DPY19L2: variants seen among roughly 807,000 people sequenced by gnomAD.
DPY19L2 encodes the protein dpy-19 like 2, also known as probable C-mannosyltransferase DPY19L2.
A neutral mutation model predicts 97.9 loss-of-function variants in DPY19L2; 34 were observed. The observed-to-expected ratio is 0.35, with a 90% CI of 0.26 to 0.46. The LOEUF is 0.46. Ranked by LOEUF, DPY19L2 falls within the 20% of genes least tolerant of loss-of-function variation. DPY19L2 has a pLI of 1.00. For missense variants in DPY19L2, 623 were observed against 911.4 expected (o/e 0.68, Z 4.07); for synonymous variants, 230 against 307.9 (o/e 0.75, Z 2.65).
At chr12:63,626,984 G>A (rs1889665041) in intron 6 of DPY19L2, among the ~76,000 whole-genome samples, 1 of 152,000 alleles carries the variant, frequency 6.6e-6, no homozygotes, top group Admixed American at 6.6e-5. Context: ...TTACCATGTT[G>A]GCTAAGCTAG....
At chr12:63,583,633 T>G (rs1269824153) in intron 17 of DPY19L2, among the ~76,000 whole-genome samples, 179 bp downstream of exon 17, 1 of 152,224 alleles carries the variant, frequency 6.6e-6, no homozygotes, top group Non-Finnish European at 1.5e-5. Context: ...TTTTAAATCC[T>G]TATTACTATT....
In DPY19L2 at chr12:63,580,663, T is replaced by G. The variant is rs1341629978; in HGVS notation, c.1899A>C (p.Ser633=). 29 of 1,608,814 alleles carry G rather than the reference T, an allele frequency of 1.8e-5. No homozygotes were observed. The highest frequency in any genetic ancestry group is 1.8e-5 in the Non-Finnish European group (21 of 1,178,050). ...LLQWIKYSTT[S]DAVFAGAMPT... ...GCATATAACCAAATACCTACACACC[T>G]GATGTGGTACTGTATTTGATCCACT... The change falls in exon 19 of 22, where the codon TCA becomes TCC. Residue 633 remains serine, a splice_region_variant and synonymous_variant. Transcript: ENST00000324472.
intron 8 of DPY19L2, among the ~76,000 whole-genome samples, chr12:63,622,745 G>GT (rs1442340962): frequency 1.3e-5 from 2 of 152,034 alleles, no homozygotes; most frequent in Non-Finnish European, 2.9e-5. Flanking sequence ...GGCCAACATG[G>GT]TAAAACCCTG....
intron 2 of DPY19L2, among the ~76,000 whole-genome samples, chr12:63,664,639 C>T (rs140244754): frequency 0.1 from 15,420 of 152,048 alleles, 1,029 homozygotes; most frequent in East Asian, 0.28. Flanking sequence ...ACTTGAAGAC[C>T]TTTTAGTAGT....
intron 12 of DPY19L2, among the ~76,000 whole-genome samples, chr12:63,608,124 C>CAA (rs1486271251): frequency 1.3e-5 from 2 of 151,954 alleles, no homozygotes; most frequent in Admixed American, 6.6e-5. Flanking sequence ...TGGCTGAGTT[C>CAA]AAATTAGAAG....
At chr12:63,570,001 G>A (rs762466428) in intron 20 of DPY19L2, among the ~76,000 whole-genome samples, 14 of 152,120 alleles carry the variant, frequency 9.2e-5, no homozygotes, top group Non-Finnish European at 1.3e-4. Flanking sequence ...CCAGTTCACC[G>A]CAGTAGAACA....
intron 16 of DPY19L2, among the ~76,000 whole-genome samples, chr12:63,589,191 G>T (rs1323637142): frequency 1.3e-5 from 2 of 151,660 alleles, no homozygotes; most frequent in Non-Finnish European, 1.5e-5. Context: ...ATTCAAAATT[G>T]TTCTGGAAGT....
At chr12:63,618,527 G>T (rs1291241678) in intron 9 of DPY19L2, among the ~76,000 whole-genome samples, 1 of 152,234 alleles carries the variant, frequency 6.6e-6, no homozygotes, top group Admixed American at 6.5e-5. Context: ...TTCTCCCAGA[G>T]GTATCTGCCA....
chr12:63,571,058 C>A (rs1878751803), intron 19 of DPY19L2, among the ~76,000 whole-genome samples: 1 of 151,926 alleles, frequency 6.6e-6, no homozygotes, highest in Admixed American at 6.6e-5. Context: ...TATCTTGGGG[C>A]TAGAAATTGT....
chr12:63,599,159 G>A (rs1235290974), intron 13 of DPY19L2, among the ~76,000 whole-genome samples: 2 of 146,140 alleles, frequency 1.4e-5, no homozygotes, highest in African/African-American at 2.6e-5. Context: ...GTGACAGCAT[G>A]AGACTGTGTT....
intron 11 of DPY19L2, among the ~76,000 whole-genome samples, chr12:63,610,747 T>C (rs188374346): frequency 8.8e-5 from 13 of 148,384 alleles, no homozygotes; most frequent in African/African-American, 3.0e-4. Flanking sequence ...AGAACACTTC[T>C]ATACACATTT....
chr12:63,640,955 C>G (rs1892603385), intron 6 of DPY19L2, among the ~76,000 whole-genome samples: 1 of 152,112 alleles, frequency 6.6e-6, no homozygotes, highest in Non-Finnish European at 1.5e-5. Flanking sequence ...TGCAGTGGCG[C>G]AATGTCGGCT....
intron 19 of DPY19L2, among the ~76,000 whole-genome samples, chr12:63,577,132 A>T (rs555607607): frequency 5.3e-5 from 8 of 152,174 alleles, no homozygotes; most frequent in African/African-American, 1.9e-4. Context: ...AGAAATCCAT[A>T]CATCTACAGT....
chr12:63,588,943 C>T (rs1383219615), intron 16 of DPY19L2, among the ~76,000 whole-genome samples: 10 of 151,666 alleles, frequency 6.6e-5, no homozygotes, highest in Admixed American at 2.0e-4. Flanking sequence ...TTAGTAGAGA[C>T]GGGGTTTCAC....
chr12:63,592,015 G>C (rs1592473497), intron 16 of DPY19L2, among the ~76,000 whole-genome samples: 1 of 11,728 alleles, frequency 8.5e-5, no homozygotes, highest in Non-Finnish European at 1.8e-4. Context: ...GGAGGGGAGG[G>C]GAGGGGAGGG....
intron 21 of DPY19L2, among the ~76,000 whole-genome samples, chr12:63,565,276 T>G (rs529888269): frequency 6.6e-6 from 1 of 152,276 alleles, no homozygotes; most frequent in East Asian, 1.9e-4. Context: ...ATATTTATTC[T>G]CTTTCAAAGT....
Position 63,598,010 on chromosome 12 carries a change from C to A in DPY19L2, c.1360-100G>T, listed in dbSNP as rs1884532677. 1.3e-5 allele frequency: 11 copies of A among 879,756 alleles called. No homozygotes were observed. In the South Asian group the frequency reaches 2.9e-4, roughly 23 times the overall value. 54.5% of individuals were successfully genotyped at this position (879,756 alleles called of 1,614,324 possible). A position where few individuals can be genotyped will look rare whatever the true frequency, so the allele number is the denominator to read the frequency against. ...TGTAAGAATAACAAAGTTTATAGAG[C>A]AGATAAATCCAATATATTTAGACAT... On this transcript the variant is annotated intron_variant, in intron 13 of 21. Transcript: ENST00000324472.
intron 6 of DPY19L2, among the ~76,000 whole-genome samples, chr12:63,640,836 AAAGAT>A (rs1279829761): frequency 6.6e-6 from 1 of 152,194 alleles, no homozygotes; most frequent in Non-Finnish European, 1.5e-5. Flanking sequence ...AAAAAACAAA[AAAGAT>A]AAGAAATACA....
chr12:63,653,174 AC>A (rs1164585559), intron 4 of DPY19L2, among the ~76,000 whole-genome samples: 1 of 152,124 alleles, frequency 6.6e-6, no homozygotes, highest in Non-Finnish European at 1.5e-5. Context: ...AGCCCTAGGG[AC>A]CTGTGGAACT....
Sources: allele counts gnomAD v4.1 joint callset (sites outside exome capture counted in the v4.1 genomes callset), GRCh38; gene constraint gnomAD v4.1.1; transcripts MANE v1.5; gene names NCBI Gene and HGNC (gene_info 2026-07-23, HGNC 2026-07-21).